C12orf56: variants seen among roughly 807,000 people sequenced by gnomAD.
C12orf56 encodes the protein chromosome 12 open reading frame 56, also known as uncharacterized protein C12orf56.
In C12orf56, 71 loss-of-function variants were observed where a neutral mutation model predicts 69.9. The observed-to-expected ratio is 1.02, with a 90% CI of 0.84 to 1.24. C12orf56 has a LOEUF of 1.24. Among genes scored for constraint, C12orf56 ranks in the 50% most tolerant of loss-of-function variants. The pLI is 0.00. For synonymous variants in C12orf56, 276 were observed against 274.1 expected (o/e 1.01, Z -0.07); for missense variants, 732 against 738.5 (o/e 0.99, Z 0.10).
intron 4 of C12orf56, among the ~76,000 whole-genome samples, chr12:64,314,180 A>G (rs2038660319): frequency 6.6e-6 from 1 of 151,440 alleles, no homozygotes; most frequent in Non-Finnish European, 1.5e-5. Context: ...CAAACTCCTG[A>G]GCTCAAGCAG....
chr12:64,285,391 T>C (rs2038185520), intron 7 of C12orf56, among the ~76,000 whole-genome samples: 1 of 152,272 alleles, frequency 6.6e-6, no homozygotes, highest in Non-Finnish European at 1.5e-5. Context: ...AAGCTGTCTC[T>C]CCTCCAGATA....
At chr12:64,271,101 G>C (rs2136742084) in intron 11 of C12orf56, among the ~76,000 whole-genome samples, 2 of 152,204 alleles carry the variant, frequency 1.3e-5, no homozygotes, top group South Asian at 4.2e-4. Context: ...GGAGGCAGAG[G>C]TTGCAGTGAG....
At chr12:64,363,534 G>T (rs1007747231) in intron 1 of C12orf56, among the ~76,000 whole-genome samples, 2 of 152,164 alleles carry the variant, frequency 1.3e-5, no homozygotes, top group African/African-American at 4.8e-5. Flanking sequence ...GCCCCTTTGC[G>T]AGGAGGAGGA....
chr12:64,355,776 T>A (rs1425432836), intron 1 of C12orf56: 2 of 152,414 alleles, frequency 1.3e-5, no homozygotes, highest in Non-Finnish European at 2.9e-5. Flanking sequence ...AGATGGGTAA[T>A]GTGCCTACAT....
At chr12:64,354,806 C>G (rs578227479) in intron 1 of C12orf56, among the ~76,000 whole-genome samples, 1 of 138,112 alleles carries the variant, frequency 7.2e-6, no homozygotes, top group Non-Finnish European at 1.6e-5. Context: ...TTGCCAGGTG[C>G]GGTGGCTCAC....
intron 1 of C12orf56, among the ~76,000 whole-genome samples, chr12:64,363,974 G>A (rs2039431090): frequency 2.0e-5 from 3 of 151,552 alleles, no homozygotes; most frequent in African/African-American, 7.3e-5. Context: ...TTCGTTTGCT[G>A]TATTAAAATT....
intron 2 of C12orf56, among the ~76,000 whole-genome samples, chr12:64,345,918 G>T (rs1038924082): frequency 1.3e-5 from 2 of 152,120 alleles, no homozygotes; most frequent in South Asian, 4.2e-4. Flanking sequence ...AACAGTTTAT[G>T]CCAAGGACTA....
At chr12:64,376,337 A>G (rs1056554742) in intron 1 of C12orf56, among the ~76,000 whole-genome samples, 5 of 152,214 alleles carry the variant, frequency 3.3e-5, no homozygotes, top group African/African-American at 1.2e-4. Flanking sequence ...GCCCCAAAGC[A>G]TGGATTTTTA....
Position 64,356,330 on chromosome 12 carries a change from A to G in C12orf56, c.253-3274T>C, listed in dbSNP as rs1592483520. Among the ~76,000 whole-genome samples the G allele has an allele frequency of 2.6e-5, 4 of 152,308 alleles. No individual in the cohort carries two copies. The South Asian group carries it at 8.3e-4, about 32-fold the overall frequency. On this transcript the variant is annotated intron_variant, in intron 1 of 12. Coordinates refer to ENST00000543942, the MANE Select transcript of C12orf56 (RefSeq NM_001170633.2). ...TGTTAGAAACAAATGCTTGTTCCTC[A>G]GTGCTGAAAAGAACTAGTGCTCAGA...
At chr12:64,304,695 G>A (rs1476429192) in intron 5 of C12orf56, among the ~76,000 whole-genome samples, 3 of 152,150 alleles carry the variant, frequency 2.0e-5, no homozygotes, top group African/African-American at 7.2e-5. Flanking sequence ...AACAACTTGC[G>A]CTTTACTGGG....
At chr12:64,284,852 A>T (rs1320051149) in intron 7 of C12orf56, 99 bp from the exon 8 acceptor site, 1 of 809,406 alleles carries the variant, frequency 1.2e-6, no homozygotes, top group East Asian at 2.8e-5. Context: ...GCTTCCAGAT[A>T]TCCATACAGA....
chr12:64,293,562 T>A (rs2038324792), intron 6 of C12orf56, among the ~76,000 whole-genome samples: 1 of 152,198 alleles, frequency 6.6e-6, no homozygotes, highest in Admixed American at 6.5e-5. Context: ...TTAAATAAGA[T>A]AGTATGTATT....
rs1414411149 is a variant in C12orf56 at position 64,277,680 on chromosome 12, C to G, written c.1434G>C (p.Glu478Asp). ...SALVRMSFDA[E>D]LQKLILEYTN... ...TTTACCCCCCAAATTCTCATCTCAC[C>G]TCAGCGTCAAAAGACATTCTGACTA... Residue 478 changes from glutamate (E) to aspartate (D), a missense_variant and splice_region_variant, in exon 9 of 13, where the codon GAG becomes GAC. By Grantham distance (45) the Glu-to-Asp change is conservative. Coordinates refer to ENST00000543942, the MANE Select transcript of C12orf56 (RefSeq NM_001170633.2). The G allele has an allele frequency of 2.0e-6, 3 of 1,531,018 alleles. No homozygotes were observed. The highest frequency in any genetic ancestry group is 2.6e-6 in the Non-Finnish European group (3 of 1,136,022). The allele number at this position is 1,531,018 out of a possible 1,614,324, so 94.8% of individuals were successfully genotyped here.
chr12:64,271,487 T>C (rs1254120307), intron 11 of C12orf56, among the ~76,000 whole-genome samples: 1 of 152,202 alleles, frequency 6.6e-6, no homozygotes, highest in African/African-American at 2.4e-5. Context: ...TCCATAAACG[T>C]AGGCTTGTGT....
chr12:64,293,932 G>A (rs571551240), intron 6 of C12orf56, among the ~76,000 whole-genome samples: 2 of 152,310 alleles, frequency 1.3e-5, no homozygotes, highest in South Asian at 2.1e-4. Context: ...AATCTTGATT[G>A]AAGTAGTGTT....
In C12orf56 at chr12:64,322,281, C is replaced by G. The variant is rs535084463; in HGVS notation, c.489-3301G>C. On this transcript the variant is annotated intron_variant, in intron 3 of 12. Transcript: ENST00000543942. Reference sequence around the variant, plus strand: ...CAATCTTTATTCTCTTTTGTTCGGACTAGATAATTTCTATTCATCTATCTT... The same window carrying G: ...CAATCTTTATTCTCTTTTGTTCGGAGTAGATAATTTCTATTCATCTATCTT... 3.5e-3 allele frequency among the ~76,000 whole-genome samples: 539 copies of G among 152,018 alleles called. 3 individuals are homozygous for G. Among genetic ancestry groups the G allele is most frequent in the African/African-American group, 0.013 (521 of 41,462 alleles).
In C12orf56 at chr12:64,333,364, C is replaced by T. The variant is rs117458802; in HGVS notation, c.416-2332G>A. Among the ~76,000 whole-genome samples, 1,138 of 152,022 alleles carry T rather than the reference C, an allele frequency of 7.5e-3. 7 individuals carry two copies. Among genetic ancestry groups the T allele is most frequent in the Non-Finnish European group, 8.9e-3 (606 of 67,984 alleles). On this transcript the variant is annotated intron_variant, in intron 2 of 12. Transcript: ENST00000543942. ...CAGTCTTAAGTTGTCTGTTAAACCT[C>T]ATTCCATCCAAATTCACTAACCAAA...
chr12:64,342,060 G>A (rs1421945450), intron 2 of C12orf56, among the ~76,000 whole-genome samples: 2 of 152,156 alleles, frequency 1.3e-5, no homozygotes, highest in Non-Finnish European at 2.9e-5. Context: ...GAGGCCACCC[G>A]TTGGTGAGCA....
At chr12:64,275,552 C>T (rs1306967733) in intron 9 of C12orf56, among the ~76,000 whole-genome samples, 180 bp from the exon 10 acceptor site, 6 of 152,194 alleles carry the variant, frequency 3.9e-5, no homozygotes, top group African/African-American at 7.2e-5. Flanking sequence ...GCCTCAAACT[C>T]CTGGGCACAA....
Sources: allele counts gnomAD v4.1 joint callset (sites outside exome capture counted in the v4.1 genomes callset), GRCh38; gene constraint gnomAD v4.1.1; transcripts MANE v1.5; gene names NCBI Gene and HGNC (gene_info 2026-07-23, HGNC 2026-07-21).